Variants in PACRG observed in about 807,000 individuals in gnomAD.
PACRG encodes parkin coregulated gene protein.
Under a neutral mutation model 29.7 loss-of-function variants are expected in PACRG, and 29 were observed. The ratio of observed to expected loss-of-function variants is 0.98; its 90% CI spans 0.73 to 1.33. PACRG has a LOEUF of 1.33. Among genes scored for constraint, PACRG ranks in the 40% most tolerant of loss-of-function variants. PACRG has a pLI of 0.00. For synonymous variants in PACRG, 116 were observed against 118.7 expected (o/e 0.98, Z 0.15); for missense variants, 279 against 316.2 (o/e 0.88, Z 0.89).
rs2476471 is a variant in PACRG, at chr6:163,020,716, T to A, written c.292-41434T>A. ...ACCGAGAAAATCTTTTTTTTCCTCC[T>A]TTCTATGTGTTTCATTCTGAAAGGT... On this transcript the variant is annotated intron_variant, in intron 2 of 4. Transcript: ENST00000366888. 2.2e-3 allele frequency among the ~76,000 whole-genome samples: 342 copies of A among 152,280 alleles called. 2 individuals carry two copies. The highest frequency in any genetic ancestry group is 8.0e-3 in the African/African-American group (332 of 41,570).
chr6:162,748,621 A>G (rs1781277563), intron 1 of PACRG, among the ~76,000 whole-genome samples: 1 of 152,234 alleles, frequency 6.6e-6, no homozygotes, highest in African/African-American at 2.4e-5. Context: ...TTTCTAAAGT[A>G]TCAATGAGAT....
At chr6:162,808,796 G>A (rs888406857) in intron 1 of PACRG, among the ~76,000 whole-genome samples, 3 of 151,972 alleles carry the variant, frequency 2.0e-5, no homozygotes, top group Admixed American at 6.6e-5. Flanking sequence ...TTGATTTATG[G>A]TCTCTTGTTT....
At chr6:162,875,131 A>C (rs1315157088) in intron 2 of PACRG, among the ~76,000 whole-genome samples, 3 of 151,690 alleles carry the variant, frequency 2.0e-5, no homozygotes, top group Admixed American at 1.3e-4. Context: ...ATAGTCATGC[A>C]CATTCACACG....
chr6:163,140,462 T>G (rs964963445), intron 4 of PACRG, among the ~76,000 whole-genome samples: 2 of 151,876 alleles, frequency 1.3e-5, no homozygotes, highest in African/African-American at 4.8e-5. Context: ...AAAATAGAAA[T>G]AAAATAAAAA....
chr6:163,279,635 A>T (rs907971929), intron 4 of PACRG, among the ~76,000 whole-genome samples: 2 of 152,122 alleles, frequency 1.3e-5, no homozygotes, highest in African/African-American at 4.8e-5. Flanking sequence ...CTTAATATTG[A>T]ATTCAATCAG....
intron 2 of PACRG, among the ~76,000 whole-genome samples, chr6:162,894,228 T>C (rs1794993210): frequency 1.3e-5 from 2 of 152,190 alleles, no homozygotes; most frequent in Non-Finnish European, 2.9e-5. Context: ...AGCATTTGCA[T>C]GGAGCACCAA....
intron 4 of PACRG, among the ~76,000 whole-genome samples, chr6:163,103,763 G>C (rs899838360): frequency 6.6e-6 from 1 of 152,158 alleles, no homozygotes; most frequent in Non-Finnish European, 1.5e-5. Flanking sequence ...TGTTCAAGAG[G>C]ATACAAAATT....
At chr6:163,294,397 A>G (rs1318210803) in intron 4 of PACRG, among the ~76,000 whole-genome samples, 2 of 152,194 alleles carry the variant, frequency 1.3e-5, no homozygotes, top group Non-Finnish European at 2.9e-5. Flanking sequence ...AATTATTTTC[A>G]TGGAGAAGCA....
At chr6:162,741,416 C>T (rs185556805) in intron 1 of PACRG, among the ~76,000 whole-genome samples, 2 of 152,136 alleles carry the variant, frequency 1.3e-5, no homozygotes, top group Non-Finnish European at 2.9e-5. Flanking sequence ...ACCATTTTGG[C>T]TCTTGGTGAG....
chr6:163,165,704 C>G, intron 4 of PACRG: 1 of 219,724 alleles, frequency 4.6e-6, no homozygotes, highest in Non-Finnish European at 9.2e-6. Flanking sequence ...TTCAAGCCTT[C>G]AAGTCGGTTC....
chr6:163,258,098 C>T (rs1400512260), intron 4 of PACRG, among the ~76,000 whole-genome samples: 2 of 152,024 alleles, frequency 1.3e-5, no homozygotes, highest in African/African-American at 2.4e-5. Context: ...AGGAATCATT[C>T]TTGTTTCCAT....
chr6:163,249,459 C>G (rs1248622067), intron 4 of PACRG, among the ~76,000 whole-genome samples: 1 of 152,154 alleles, frequency 6.6e-6, no homozygotes. Flanking sequence ...ATCACCAGTA[C>G]AAACCTTAAG....
At chr6:163,232,869 C>T (rs1222094464) in intron 4 of PACRG, among the ~76,000 whole-genome samples, 5 of 152,152 alleles carry the variant, frequency 3.3e-5, no homozygotes, top group Admixed American at 6.5e-5. Context: ...CAGCCAGCCC[C>T]TCCACCCCTC....
At chr6:162,956,493 G>T (rs990465779) in intron 2 of PACRG, among the ~76,000 whole-genome samples, 1 of 152,154 alleles carries the variant, frequency 6.6e-6, no homozygotes, top group African/African-American at 2.4e-5. Flanking sequence ...CACAAGAAAG[G>T]GAGGCTCAAA....
At position 163,269,927 on chromosome 6, in the gene PACRG, AAAAC is replaced by A. The variant is rs1373803675; in HGVS notation, c.614-44896_614-44893del. On this transcript the variant is annotated intron_variant, in intron 4 of 4. Transcript: ENST00000366888. ...GAAAGAAAGAAAGAAAGAAAGAAAG[AAAAC>A]AAAGAAAGAAAGAAAGAAAGAAAGA... Among the ~76,000 whole-genome samples the A allele has an allele frequency of 1.8e-4, 6 of 32,870 alleles. 2 individuals are homozygous for A. The highest frequency in any genetic ancestry group is 2.9e-4 in the Non-Finnish European group (5 of 17,284). The allele number at this position is 32,870 out of a possible 152,430, so 21.6% of individuals were successfully genotyped here.
At chr6:162,878,651 C>A (rs558779507) in intron 2 of PACRG, among the ~76,000 whole-genome samples, 1 of 152,264 alleles carries the variant, frequency 6.6e-6, no homozygotes, top group Non-Finnish European at 1.5e-5. Flanking sequence ...ATACATTAAG[C>A]TTTTAAAAAA....
At chr6:163,078,626 C>G (rs1812777494) in intron 3 of PACRG, among the ~76,000 whole-genome samples, 1 of 151,852 alleles carries the variant, frequency 6.6e-6, no homozygotes, top group East Asian at 1.9e-4. Context: ...TCATCATTAT[C>G]ATCATCATCA....
chr6:162,812,179 A>G (rs572385048), intron 1 of PACRG, among the ~76,000 whole-genome samples: 10 of 152,244 alleles, frequency 6.6e-5, no homozygotes, highest in African/African-American at 2.4e-4. Flanking sequence ...TCAATAACCT[A>G]TTGTGATATA....
At chr6:163,242,568 G>A (rs894685348) in intron 4 of PACRG, among the ~76,000 whole-genome samples, 12 of 152,174 alleles carry the variant, frequency 7.9e-5, no homozygotes, top group Admixed American at 1.3e-4. Flanking sequence ...TCTAGCACCA[G>A]GCACAGAAGG....
Sources: allele counts gnomAD v4.1 joint callset (sites outside exome capture counted in the v4.1 genomes callset), GRCh38; gene constraint gnomAD v4.1.1; transcripts MANE v1.5; gene names NCBI Gene and HGNC (gene_info 2026-07-23, HGNC 2026-07-21).